The following SETD2 variants were observed in gnomAD, a reference collection of about 807,000 sequenced individuals.
SETD2 encodes the protein histone-lysine N-methyltransferase SETD2.
In SETD2, 31 loss-of-function variants were observed where a neutral mutation model predicts 242.1. The ratio of observed to expected loss-of-function variants is 0.13; its 90% CI spans 0.10 to 0.17. The LOEUF (loss-of-function observed/expected upper bound fraction) is 0.17. Ranked by LOEUF, SETD2 falls within the 10% of genes least tolerant of loss-of-function variation. The pLI is 1.00. For synonymous variants in SETD2, 1,006 were observed against 1,066.5 expected (o/e 0.94, Z 1.11); for missense variants, 2,481 against 3,046.3 (o/e 0.81, Z 4.37).
intron 1 of SETD2, among the ~76,000 whole-genome samples, chr3:47,129,958 G>A (rs774310966): frequency 2.0e-5 from 3 of 152,042 alleles, no homozygotes; most frequent in Non-Finnish European, 2.9e-5. Flanking sequence ...TGGGGGAAGA[G>A]ACAGGGTAAA....
At chr3:47,151,034 A>C (rs186186659) in intron 1 of SETD2, among the ~76,000 whole-genome samples, 1 of 152,286 alleles carries the variant, frequency 6.6e-6, no homozygotes, top group East Asian at 1.9e-4. Context: ...CGTTACAAAG[A>C]ATCAGGTCAA....
chr3:47,067,406 CTTTTTTTT>C (rs548953692), intron 12 of SETD2, among the ~76,000 whole-genome samples: 1 of 83,900 alleles, frequency 1.2e-5, no homozygotes, highest in Non-Finnish European at 2.2e-5. Context: ...TCCTGAGCAT[CTTTTTTTT>C]TTTTTTTTTT....
rs2043023909 is a variant in SETD2, at chr3:47,120,369, C to T, written c.4267G>A (p.Asp1423Asn). The T allele has an allele frequency of 6.2e-7, 1 of 1,613,084 alleles. No individual in the cohort carries two copies. Among genetic ancestry groups the T allele is most frequent in the Non-Finnish European group, 8.5e-7 (1 of 1,179,668 alleles). Residue 1423 changes from aspartate to asparagine, a missense_variant, in exon 3 of 21, where the codon GAC becomes AAC. By Grantham distance (23) the Asp-to-Asn change is conservative (BLOSUM62 1). Coordinates refer to ENST00000409792, the MANE Select transcript of SETD2 (RefSeq NM_014159.7). ...SDSESDGELQDRKKVRVEVEQ... is the reference protein window; with the variant it reads ...SDSESDGELQNRKKVRVEVEQ... ...ACCTCCACTCTAACTTTCTTTCTGT[C>T]CTGAAGCTCACCATCACTTTCAGAA...
At chr3:47,104,889 C>T (rs2042349703) in intron 6 of SETD2, among the ~76,000 whole-genome samples, 1 of 152,076 alleles carries the variant, frequency 6.6e-6, no homozygotes, top group African/African-American at 2.4e-5. Context: ...GGTCTGAGCC[C>T]TTGGAGCAGC....
intron 12 of SETD2, among the ~76,000 whole-genome samples, chr3:47,081,329 T>G (rs762873873): frequency 6.6e-6 from 1 of 152,192 alleles, no homozygotes. Flanking sequence ...TGGCCCCCGG[T>G]TGGCTGGGGA....
intron 3 of SETD2, among the ~76,000 whole-genome samples, chr3:47,118,684 T>TA (rs1328510374): frequency 6.6e-6 from 1 of 151,456 alleles, no homozygotes; most frequent in Non-Finnish European, 1.5e-5. Context: ...AAAAAAAAGT[T>TA]AAATATATAT....
intron 3 of SETD2, 87 bp downstream of exon 3, chr3:47,120,095 A>C: frequency 9.2e-7 from 1 of 1,083,042 alleles, no homozygotes; most frequent in Non-Finnish European, 1.3e-6. Flanking sequence ...CATGTGTTTA[A>C]TCTCATACAG....
intron 5 of SETD2, among the ~76,000 whole-genome samples, chr3:47,106,790 C>G (rs938047730): frequency 3.3e-5 from 4 of 120,808 alleles, no homozygotes; most frequent in Non-Finnish European, 6.7e-5. Flanking sequence ...CCAGCCTGGG[C>G]AAGAGAGTGA....
chr3:47,160,284 T>G (rs1348426176), intron 1 of SETD2, among the ~76,000 whole-genome samples: 2 of 151,944 alleles, frequency 1.3e-5, no homozygotes, highest in Non-Finnish European at 2.9e-5. Context: ...CTTTGAACAC[T>G]CTACATTATT....
rs756943490 is a variant in SETD2, at chr3:47,123,032, T to C, written c.1604A>G (p.Asn535Ser). 1.5e-5 allele frequency: 25 copies of C among 1,613,938 alleles called. No homozygotes were observed. The highest frequency in any genetic ancestry group is 4.5e-5 in the East Asian group (2 of 44,892). Residue 535 changes from asparagine to serine, a missense_variant, in exon 3 of 21, where the codon AAT (asparagine) becomes AGT (serine). Transcript: ENST00000409792. ...TGACCCTCGTCGGAATCCCAGTTCA[T>C]TAGGGGGAGAACAACATCTTTTAAT... ...EAIKRCCSPP[N>S]ELGFRRGSSY... is the part of the protein sequence containing the mutation.
intron 1 of SETD2, among the ~76,000 whole-genome samples, chr3:47,156,369 G>C (rs1359375486): frequency 6.6e-6 from 1 of 152,208 alleles, no homozygotes; most frequent in Non-Finnish European, 1.5e-5. Flanking sequence ...AACTAGGAAA[G>C]TATGACTGAT....
At chr3:47,099,544 C>G (rs1280095641) in intron 8 of SETD2, among the ~76,000 whole-genome samples, 3 of 152,098 alleles carry the variant, frequency 2.0e-5, no homozygotes, top group Non-Finnish European at 4.4e-5. Flanking sequence ...CACTAATGAC[C>G]ACTGTTTAGG....
chr3:47,114,053 C>T (rs765252922), intron 4 of SETD2, 49 bp from the exon 5 acceptor site: 1 of 1,574,072 alleles, frequency 6.4e-7, no homozygotes, highest in Non-Finnish European at 8.6e-7. Context: ...AGCAAAAGAA[C>T]CAAAGTAACT....
At chr3:47,118,564 T>C (rs2042951840) in intron 3 of SETD2, among the ~76,000 whole-genome samples, 1 of 147,848 alleles carries the variant, frequency 6.8e-6, no homozygotes, top group South Asian at 2.1e-4. Flanking sequence ...CTACTAAAAA[T>C]ACAAAAATTA....
intron 9 of SETD2, among the ~76,000 whole-genome samples, chr3:47,091,954 CA>C (rs926555668): frequency 4.0e-5 from 6 of 148,500 alleles, no homozygotes; most frequent in African/African-American, 5.0e-5. Flanking sequence ...TAAAAACAAA[CA>C]AAAAAAAAGA....
In SETD2 at chr3:47,121,111, A is replaced by C. The variant is rs2106640111; in HGVS notation, c.3525T>G (p.Asp1175Glu). 6.2e-7 allele frequency: 1 copy of C among 1,614,098 alleles called. No homozygotes were observed. The highest frequency in any genetic ancestry group is 8.5e-7 in the Non-Finnish European group (1 of 1,179,990). ...SDGVDSTSHTDVKSDPLGHPN... is the reference protein window; with the variant it reads ...SDGVDSTSHTEVKSDPLGHPN... ...GGTGACCCAGAGGGTCAGATTTCAC[A>C]TCTGTATGACTTGTACTATCAACCC... The change falls in exon 3 of 21, where the codon GAT becomes GAG. Residue 1175 changes from aspartate to glutamate, a missense_variant. Transcript: ENST00000409792.
intron 12 of SETD2, among the ~76,000 whole-genome samples, chr3:47,072,313 A>G (rs1019995151): frequency 4.6e-5 from 7 of 152,152 alleles, no homozygotes; most frequent in Non-Finnish European, 8.8e-5. Flanking sequence ...GTCTCAAAAA[A>G]AAGAACAAAA....
At chr3:47,019,972 G>A in intron 18 of SETD2, 132 bp from the exon 19 acceptor site, 3 of 730,328 alleles carry the variant, frequency 4.1e-6, no homozygotes, top group Non-Finnish European at 4.8e-6. Flanking sequence ...CCGTTTAGAG[G>A]CCCTGACTCA....
intron 13 of SETD2, among the ~76,000 whole-genome samples, chr3:47,063,228 G>A (rs2040416555): frequency 6.6e-6 from 1 of 152,136 alleles, no homozygotes; most frequent in Non-Finnish European, 1.5e-5. Context: ...TTGTTCAAGA[G>A]TCAAAGGTAT....
Sources: gnomAD v4.1 joint callset for allele counts (sites outside exome capture counted in the v4.1 genomes callset) on GRCh38, gnomAD v4.1.1 for gene constraint, MANE v1.5 for transcripts, NCBI Gene and HGNC (gene_info 2026-07-23, HGNC 2026-07-21) for gene names.